The following MAPKBP1 variants were observed in gnomAD, a reference collection of about 807,000 sequenced individuals.
MAPKBP1 encodes the protein mitogen-activated protein kinase-binding protein 1.
MAPKBP1 carries 71 observed loss-of-function variants against 170.5 expected under a neutral mutation model. The ratio of observed to expected loss-of-function variants is 0.42; its 90% CI spans 0.34 to 0.51. The LOEUF (loss-of-function observed/expected upper bound fraction) is 0.51. Ranked by LOEUF, MAPKBP1 falls within the 20% of genes least tolerant of loss-of-function variation. The pLI is 0.06. For missense variants in MAPKBP1, 1,598 were observed against 1,933.0 expected, an observed-to-expected ratio of 0.83 and a Z score of 3.25; for synonymous variants, 719 against 757.9, an observed-to-expected ratio of 0.95 and a Z score of 0.84.
chr15:41,819,509 G>T (rs770345327), intron 21 of MAPKBP1, 86 bp from the exon 22 acceptor site: 30 of 1,553,416 alleles, frequency 1.9e-5, no homozygotes, highest in Non-Finnish European at 2.6e-5. Flanking sequence ...GCCACACAGG[G>T]TATGGGCTGA....
At position 41,818,913 on chromosome 15, in the gene MAPKBP1, G is replaced by T; in HGVS notation, c.2247G>T (p.Lys749Asn). The change falls in exon 20 of 31, where the codon AAG (lysine) becomes AAT (asparagine). Residue 749 changes from lysine to asparagine, a missense_variant. This residue lies in a region of MAPKBP1 where 63 missense variants were observed against 115.2 expected (regional missense o/e 0.55). Transcript: ENST00000457542. This position sits in a 1 kb window ranked among gnomAD's most constrained non-coding sequence, Gnocchi z 5.2. ...AELRQRQRGG[K>N]QQGPSSPQRA... ...TGCGCCAGCGTCAGCGGGGCGGCAA[G>T]CAGCAAGGACCATCCTCTCCCCAAA... 1.2e-6 allele frequency: 2 copies of T among 1,614,252 alleles called. No homozygotes were observed. Among genetic ancestry groups the T allele is most frequent in the Non-Finnish European group, 1.7e-6 (2 of 1,180,046 alleles).
At position 41,826,987 on chromosome 15, in the gene MAPKBP1, C is replaced by T. The variant is rs1050413968; in HGVS notation, c.*1551C>T. On this transcript the variant is annotated 3_prime_UTR_variant, in exon 31 of 31. Coordinates refer to ENST00000457542, the MANE Select transcript of MAPKBP1 (RefSeq NM_014994.3). ...TTCACCCGCCCTGCTGCGCCATAGG[C>T]AGAGGCTTATAAAGAAATGGGTTCT... 1.3e-5 allele frequency: 2 copies of T among 152,172 alleles called. No individual in the cohort carries two copies. The highest frequency in any genetic ancestry group is 2.4e-5 in the African/African-American group (1 of 41,404). 9.4% of individuals were successfully genotyped at this position (152,172 alleles called of 1,614,324 possible).
At chr15:41,816,311 C>G in intron 12 of MAPKBP1, 1 of 505,754 alleles carries the variant, frequency 2.0e-6, no homozygotes, top group Non-Finnish European at 3.5e-6. Context: ...AATAAGGTCT[C>G]TAATTAATAG....
At chr15:41,790,455 G>A (rs1384046917) in intron 2 of MAPKBP1, among the ~76,000 whole-genome samples, 5 of 152,160 alleles carry the variant, frequency 3.3e-5, no homozygotes, top group Admixed American at 2.0e-4. Context: ...TTTGTTGACT[G>A]GCCAGGTTTG....
intron 3 of MAPKBP1, among the ~76,000 whole-genome samples, chr15:41,803,780 C>CTAACCCAAGTAGTATGACTG: frequency 6.6e-6 from 1 of 152,092 alleles, no homozygotes; most frequent in African/African-American, 2.4e-5. Context: ...TAATGGGGTT[C>CTAACCCAAGTAGTATGACTG]TAACCCAAGT....
chr15:41,821,864 C>T, intron 24 of MAPKBP1, 101 bp from the exon 25 acceptor site: 3 of 1,569,070 alleles, frequency 1.9e-6, no homozygotes, highest in Non-Finnish European at 2.6e-6. Context: ...TTCCAGCTCA[C>T]CACTGCCTCA....
chr15:41,808,197 C>G (rs1436513062), intron 3 of MAPKBP1, among the ~76,000 whole-genome samples: 2 of 148,646 alleles, frequency 1.3e-5, no homozygotes, highest in East Asian at 4.1e-4. Context: ...AGCTCCGCCT[C>G]CTGGGTTCAC....
chr15:41,819,745 ATGGGGTCT>A, intron 22 of MAPKBP1, 95 bp downstream of exon 22: 4 of 1,298,404 alleles, frequency 3.1e-6, no homozygotes, highest in Non-Finnish European at 4.3e-6. Context: ...GTACTGGGGC[ATGGGGTCT>A]GCCCACATGC....
intron 3 of MAPKBP1, among the ~76,000 whole-genome samples, chr15:41,801,040 AAT>A (rs1176985045): frequency 6.6e-6 from 1 of 152,190 alleles, no homozygotes; most frequent in Non-Finnish European, 1.5e-5. Context: ...TGGCCAGCAT[AAT>A]GTTTTCAGGG....
intron 2 of MAPKBP1, among the ~76,000 whole-genome samples, chr15:41,789,902 T>C (rs966926631): frequency 1.3e-5 from 2 of 152,212 alleles, no homozygotes; most frequent in African/African-American, 4.8e-5. Context: ...TGTGTGCTGT[T>C]TCAGAAACTG....
At chr15:41,788,533 C>T (rs2152070413) in intron 2 of MAPKBP1, among the ~76,000 whole-genome samples, 1 of 152,174 alleles carries the variant, frequency 6.6e-6, no homozygotes, top group South Asian at 2.1e-4. Flanking sequence ...CAGGCGATCA[C>T]AGAAAGAATC....
chr15:41,818,003 T>C lies in MAPKBP1; in HGVS notation c.1905-6T>C. ...CCTCATGAGAAAGAGACTATGTTTCTTACAGGATATTTAACATCAGCAGTG... is the reference window on the plus strand; with the variant it reads ...CCTCATGAGAAAGAGACTATGTTTCCTACAGGATATTTAACATCAGCAGTG... On this transcript the variant is annotated splice_region_variant and splice_polypyrimidine_tract_variant and intron_variant, in intron 16 of 30. Transcript: ENST00000457542. This position sits in a 1 kb window ranked among gnomAD's most constrained non-coding sequence, Gnocchi z 5.2. 6 of 1,613,950 alleles carry C rather than the reference T, an allele frequency of 3.7e-6. No individual in the cohort carries two copies. Among genetic ancestry groups the C allele is most frequent in the Non-Finnish European group, 5.1e-6 (6 of 1,179,834 alleles).
intron 2 of MAPKBP1, among the ~76,000 whole-genome samples, chr15:41,790,497 G>A (rs1282893836): frequency 1.3e-5 from 2 of 152,162 alleles, no homozygotes; most frequent in Admixed American, 1.3e-4. Flanking sequence ...TTGTCCCCAG[G>A]GGCTGTGGCT....
At chr15:41,796,164 C>T (rs953140797) in intron 2 of MAPKBP1, among the ~76,000 whole-genome samples, 25 of 152,134 alleles carry the variant, frequency 1.6e-4, no homozygotes, top group African/African-American at 5.8e-4. Flanking sequence ...CAGGGCCACT[C>T]GTTTGCTAGC....
chr15:41,812,222 C>T (rs1347084760), intron 6 of MAPKBP1, 95 bp downstream of exon 6: 2 of 1,457,528 alleles, frequency 1.4e-6, no homozygotes, highest in Non-Finnish European at 1.9e-6. Flanking sequence ...TCCATTCCAC[C>T]CCACTGAACC....
In MAPKBP1 at chr15:41,821,581, C is replaced by G. The variant is rs1158167266; in HGVS notation, c.2719-3C>G. On this transcript the variant is annotated splice_region_variant and splice_polypyrimidine_tract_variant and intron_variant, in intron 23 of 30. Coordinates refer to ENST00000457542, the MANE Select transcript of MAPKBP1 (RefSeq NM_014994.3). Reference sequence around the variant, plus strand: ...CTGTTAACATCCCTTTGTGTGTTCCCAGAATGAAAAGCCCCCTCGGCCTCA... The same window carrying G: ...CTGTTAACATCCCTTTGTGTGTTCCGAGAATGAAAAGCCCCCTCGGCCTCA... The G allele has an allele frequency of 6.2e-7, 1 of 1,612,978 alleles. No individual in the cohort carries two copies. Among genetic ancestry groups the G allele is most frequent in the Non-Finnish European group, 8.5e-7 (1 of 1,179,734 alleles).
At chr15:41,819,554 G>GGGGGGGA in intron 21 of MAPKBP1, 41 bp from the exon 22 acceptor site, 31 of 1,495,268 alleles carry the variant, frequency 2.1e-5, no homozygotes, top group Non-Finnish European at 2.6e-5. Flanking sequence ...TGGCGGGGGG[G>GGGGGGGA]GGGCAGGAGA....
chr15:41,792,810 T>C (rs2064417182), intron 2 of MAPKBP1, among the ~76,000 whole-genome samples: 1 of 152,176 alleles, frequency 6.6e-6, no homozygotes, highest in African/African-American at 2.4e-5. Context: ...TCGCAGGGCC[T>C]CTTTCCTAAC....
At chr15:41,789,627 C>G (rs2064360739) in intron 2 of MAPKBP1, among the ~76,000 whole-genome samples, 1 of 152,190 alleles carries the variant, frequency 6.6e-6, no homozygotes, top group Non-Finnish European at 1.5e-5. Context: ...TTGGCTATAG[C>G]ATAGGCTGGA....
Sources: allele counts gnomAD v4.1 joint callset (sites outside exome capture counted in the v4.1 genomes callset), GRCh38; gene constraint gnomAD v4.1.1; regional missense constraint gnomAD v4.1.1; non-coding constraint Gnocchi (gnomAD v3.1); transcripts MANE v1.5; gene names NCBI Gene and HGNC (gene_info 2026-07-23, HGNC 2026-07-21).